Variants in GLDN observed in about 807,000 individuals in gnomAD.
GLDN encodes gliomedin, also known as collomin.
A neutral mutation model predicts 56.5 loss-of-function variants in GLDN; 47 were observed. The observed-to-expected ratio is 0.83, with a 90% CI of 0.66 to 1.06. The LOEUF is 1.06. GLDN is among the 50% of genes least tolerant of loss of function. The pLI is 0.00. For missense variants in GLDN, 782 were observed against 714.3 expected (o/e 1.09, Z -1.08); for synonymous variants, 332 against 278.8 (o/e 1.19, Z -1.90).
intron 1 of GLDN, among the ~76,000 whole-genome samples, chr15:51,361,502 G>A (rs553819725): frequency 6.6e-6 from 1 of 152,150 alleles, no homozygotes; most frequent in South Asian, 2.1e-4. Context: ...CTAGGAATTC[G>A]TGCTACTCAC....
intron 1 of GLDN, among the ~76,000 whole-genome samples, chr15:51,343,368 C>T (rs8043240): frequency 0.26 from 40,071 of 152,078 alleles, 5,583 homozygotes; most frequent in Admixed American, 0.31. Context: ...AAAAAACCTC[C>T]TTAGGGGAAT....
chr15:51,348,304 G>T (rs866702405), intron 1 of GLDN, among the ~76,000 whole-genome samples: 2 of 151,002 alleles, frequency 1.3e-5, no homozygotes, highest in African/African-American at 4.9e-5. Context: ...TTTCTGTTCT[G>T]TTCTTTTCTT....
chr15:51,344,426 G>A (rs1343391425), intron 1 of GLDN, among the ~76,000 whole-genome samples: 1 of 152,028 alleles, frequency 6.6e-6, no homozygotes, highest in East Asian at 1.9e-4. Flanking sequence ...CAGCTTCACA[G>A]TTTTCCTCAT....
chr15:51,359,003 G>A (rs1241809895), intron 1 of GLDN, among the ~76,000 whole-genome samples: 2 of 152,042 alleles, frequency 1.3e-5, no homozygotes, highest in Non-Finnish European at 2.9e-5. Context: ...CCTACCGGGG[G>A]TCCTCAAAGC....
chr15:51,377,911 G>A (rs997199217), intron 2 of GLDN, among the ~76,000 whole-genome samples: 1 of 152,200 alleles, frequency 6.6e-6, no homozygotes, highest in Non-Finnish European at 1.5e-5. Context: ...GAGTGCTAGA[G>A]CAGTCCCCTC....
chr15:51,401,893 A>G, intron 9 of GLDN, 150 bp downstream of exon 9: 1 of 699,836 alleles, frequency 1.4e-6, no homozygotes, highest in Non-Finnish European at 2.3e-6. Context: ...TGTCGACTGA[A>G]TGAATCACAG....
intron 1 of GLDN, among the ~76,000 whole-genome samples, chr15:51,374,530 G>A (rs1259647453): frequency 6.6e-6 from 1 of 152,104 alleles, no homozygotes; most frequent in South Asian, 2.1e-4. Flanking sequence ...GTGTGATTTT[G>A]AGTAAATGAT....
At chr15:51,353,051 A>C (rs116328034) in intron 1 of GLDN, among the ~76,000 whole-genome samples, 104 of 152,346 alleles carry the variant, frequency 6.8e-4, no homozygotes, top group African/African-American at 2.4e-3. Context: ...GTTGTAAAAC[A>C]TAAGATTGGT....
At chr15:51,393,229 G>A (rs1385908300) in intron 4 of GLDN, among the ~76,000 whole-genome samples, 2 of 152,178 alleles carry the variant, frequency 1.3e-5, no homozygotes, top group African/African-American at 4.8e-5. Context: ...TGAACTGAAT[G>A]ATTCAAATTT....
intron 1 of GLDN, among the ~76,000 whole-genome samples, chr15:51,365,909 G>A (rs16964296): frequency 0.12 from 17,721 of 152,098 alleles, 1,957 homozygotes; most frequent in African/African-American, 0.29. Context: ...TGTTACATTT[G>A]TATGTGTTTA....
At chr15:51,373,618 C>T (rs2037560387) in intron 1 of GLDN, among the ~76,000 whole-genome samples, 1 of 152,210 alleles carries the variant, frequency 6.6e-6, no homozygotes, top group Non-Finnish European at 1.5e-5. Context: ...ATCAGTGAAG[C>T]TCACCATGTA....
intron 1 of GLDN, among the ~76,000 whole-genome samples, chr15:51,352,112 G>T (rs2037086604): frequency 6.6e-6 from 1 of 151,984 alleles, no homozygotes; most frequent in African/African-American, 2.4e-5. Context: ...TATGGTTCTG[G>T]CAGCTGGGGA....
rs2038389172 is a variant in GLDN at position 51,406,624 on chromosome 15, C to T, written c.*1870C>T. Reference sequence around the variant, plus strand: ...GATCTCAGGACCAGCCTAGAGAGATCCCATCTCTAAAAAATAAAATATAAG... The same window carrying T: ...GATCTCAGGACCAGCCTAGAGAGATTCCATCTCTAAAAAATAAAATATAAG... On this transcript the variant is annotated 3_prime_UTR_variant, in exon 10 of 10. Coordinates refer to ENST00000335449, the MANE Select transcript of GLDN (RefSeq NM_181789.4). The T allele has an allele frequency of 6.6e-6, 1 of 152,086 alleles. No homozygotes were observed. Among genetic ancestry groups the T allele is most frequent in the African/African-American group, 2.4e-5 (1 of 41,414 alleles). 9.4% of individuals were successfully genotyped at this position (152,086 alleles called of 1,614,324 possible).
intron 4 of GLDN, among the ~76,000 whole-genome samples, chr15:51,386,070 G>T (rs1012359893): frequency 1.3e-5 from 2 of 152,180 alleles, no homozygotes; most frequent in Non-Finnish European, 2.9e-5. Context: ...GTTGGATTCT[G>T]TTTGTCACTG....
intron 9 of GLDN, among the ~76,000 whole-genome samples, chr15:51,403,029 G>A (rs776789621): frequency 2.6e-5 from 4 of 152,180 alleles, no homozygotes; most frequent in African/African-American, 4.8e-5. Flanking sequence ...ATTGCCACAC[G>A]GAGGTGGCGT....
chr15:51,346,231 G>A (rs768741093), intron 1 of GLDN, among the ~76,000 whole-genome samples: 4 of 151,898 alleles, frequency 2.6e-5, no homozygotes, highest in Non-Finnish European at 4.4e-5. Context: ...AAGCATTCCT[G>A]GCAAGGAAAC....
intron 2 of GLDN, among the ~76,000 whole-genome samples, chr15:51,378,239 C>G (rs1388905850): frequency 6.6e-6 from 1 of 152,206 alleles, no homozygotes; most frequent in Non-Finnish European, 1.5e-5. Context: ...AAGTCTGACT[C>G]TCTTTCACTT....
chr15:51,368,523 G>A (rs1039333247), intron 1 of GLDN, among the ~76,000 whole-genome samples: 10 of 151,730 alleles, frequency 6.6e-5, no homozygotes, highest in South Asian at 2.1e-4. Flanking sequence ...GGCCCAACAC[G>A]AGCTGGGGCC....
intron 4 of GLDN, among the ~76,000 whole-genome samples, chr15:51,392,043 C>T (rs568434475): frequency 4.6e-5 from 7 of 152,360 alleles, no homozygotes; most frequent in African/African-American, 1.7e-4. Flanking sequence ...TTTCCATGCA[C>T]TGCTGTCTTC....
Sources: gnomAD v4.1 joint callset for allele counts (sites outside exome capture counted in the v4.1 genomes callset) on GRCh38, gnomAD v4.1.1 for gene constraint, MANE v1.5 for transcripts, NCBI Gene and HGNC (gene_info 2026-07-23, HGNC 2026-07-21) for gene names.